The following CEP290 variants were observed in gnomAD, a reference collection of about 807,000 sequenced individuals.
The protein encoded by CEP290 is centrosomal protein 290.
A neutral mutation model predicts 344.9 loss-of-function variants in CEP290; 317 were observed. The ratio of observed to expected loss-of-function variants is 0.92; its 90% CI spans 0.84 to 1.01. The LOEUF is 1.01. Ranked by LOEUF, CEP290 falls within the 50% of genes least tolerant of loss-of-function variation. The pLI, the probability that CEP290 is intolerant of heterozygous loss-of-function variation, is 0.00. For missense variants in CEP290, 2,754 were observed against 2,761.4 expected (o/e 1.00, Z 0.06); for synonymous variants, 932 against 895.8 (o/e 1.04, Z -0.72).
chr12:88,122,434 G>T (rs542947779), intron 13 of CEP290, among the ~76,000 whole-genome samples: 1 of 152,214 alleles, frequency 6.6e-6, no homozygotes, highest in Non-Finnish European at 1.5e-5. Context: ...ACATAGATGA[G>T]AAATAAATGT....
chr12:88,080,578 C>T (rs2036129187), intron 37 of CEP290, among the ~76,000 whole-genome samples, 183 bp from the exon 38 acceptor site: 1 of 152,052 alleles, frequency 6.6e-6, no homozygotes, highest in Non-Finnish European at 1.5e-5. Context: ...TACGGGCGTG[C>T]ACCATCAGGC....
intron 26 of CEP290, among the ~76,000 whole-genome samples, chr12:88,098,393 T>G (rs753270196): frequency 7.2e-5 from 11 of 151,862 alleles, no homozygotes; most frequent in Non-Finnish European, 1.6e-4. Context: ...GAGAATCACT[T>G]GAGTCCAGGA....
At chr12:88,068,739 G>T in intron 43 of CEP290, 94 bp from the exon 44 acceptor site, 1 of 1,277,314 alleles carries the variant, frequency 7.8e-7, no homozygotes, top group Non-Finnish European at 1.1e-6. Context: ...GAAAAGTTCA[G>T]TGTGTTTATT....
chr12:88,114,330 A>G (rs1391945782), intron 20 of CEP290, 90 bp downstream of exon 20: 3 of 1,007,886 alleles, frequency 3.0e-6, no homozygotes, highest in Admixed American at 7.2e-5. Context: ...GACTAAAAAT[A>G]TCTCATCAGA....
chr12:88,129,911 A>C, intron 9 of CEP290, 35 bp from the exon 10 acceptor site: 1 of 1,287,304 alleles, frequency 7.8e-7, no homozygotes, highest in Non-Finnish European at 1.0e-6. Context: ...TTAAAAAGTA[A>C]TTTTAAAAAA....
intron 49 of CEP290, among the ~76,000 whole-genome samples, chr12:88,056,405 G>A (rs1435561887): frequency 6.6e-6 from 1 of 152,024 alleles, no homozygotes; most frequent in Non-Finnish European, 1.5e-5. Context: ...AAGTTAAAAT[G>A]GCCAGTATAG....
At chr12:88,098,397 T>C (rs922041443) in intron 26 of CEP290, among the ~76,000 whole-genome samples, 4 of 150,610 alleles carry the variant, frequency 2.7e-5, no homozygotes, top group African/African-American at 9.8e-5. Flanking sequence ...ATCACTTGAG[T>C]CCAGGAGTTT....
At position 88,083,136 on chromosome 12, in the gene CEP290, G is replaced by C. The variant is rs767686072; in HGVS notation, c.4907C>G (p.Ser1636Cys). 5.8e-6 allele frequency: 9 copies of C among 1,553,812 alleles called. No homozygotes were observed. ...TAGTTTGACCAAGAGTGAGGAAAGA[G>C]AGTCATCTTGTTCTGCTACTGTCTG... The part of the protein sequence containing the change: ...MEQTVAEQDD[S>C]LSSLLVKLKK... Residue 1636 changes from serine (S) to cysteine (C), a missense_variant, in exon 37 of 54, where the codon TCT (serine) becomes TGT (cysteine). Transcript: ENST00000552810.
Position 88,126,453 on chromosome 12 carries a change from A to G in CEP290, c.943-15T>C, listed in dbSNP as rs1163981359. ...GACAAAATTAGCTAGAAATAAACACAATAGAATCTGTTATGCAAAAGGAAA... is the reference window on the plus strand; with the variant it reads ...GACAAAATTAGCTAGAAATAAACACGATAGAATCTGTTATGCAAAAGGAAA... On this transcript the variant is annotated splice_polypyrimidine_tract_variant and intron_variant, in intron 11 of 53. Transcript: ENST00000552810. 1 of 1,462,970 alleles carries G rather than the reference A, an allele frequency of 6.8e-7. No homozygotes were observed. 90.6% of individuals were successfully genotyped at this position (1,462,970 alleles called of 1,614,324 possible).
chr12:88,115,298 C>T (rs947545812), intron 18 of CEP290, 116 bp from the exon 19 acceptor site: 10 of 701,508 alleles, frequency 1.4e-5, no homozygotes, highest in South Asian at 4.0e-5. Flanking sequence ...ACAAAAAAAA[C>T]GAGCTATGAA....
In CEP290 at chr12:88,077,891, G is replaced by C. The variant is rs1232064286; in HGVS notation, c.5392C>G (p.Leu1798Val). ...TTAAGTGCTTCTTTCAATTTTAAAA[G>C]ATTTTCATTTAAATCTTCAACTTGT... ...KTQVEDLNENLLKLKEALKTS... is the reference protein window; with the variant it reads ...KTQVEDLNENVLKLKEALKTS... Residue 1798 changes from leucine (L) to valine (V), a missense_variant, in exon 40 of 54, where the codon CTT becomes GTT. Leu to Val is a conservative substitution (Grantham distance 32). Transcript: ENST00000552810. 7.3e-7 allele frequency: 1 copy of C among 1,361,168 alleles called. No homozygotes were observed. Among genetic ancestry groups the C allele is most frequent in the Non-Finnish European group, 1.0e-6 (1 of 1,002,380 alleles). 84.3% of individuals were successfully genotyped at this position (1,361,168 alleles called of 1,614,324 possible).
At chr12:88,106,111 C>G (rs1274193094) in intron 25 of CEP290, among the ~76,000 whole-genome samples, 1 of 152,094 alleles carries the variant, frequency 6.6e-6, no homozygotes, top group African/African-American at 2.4e-5. Flanking sequence ...CAACCAGATA[C>G]TCTTGAAGTG....
chr12:88,141,143 ATTT>A, intron 2 of CEP290, 60 bp downstream of exon 2: 1 of 1,295,184 alleles, frequency 7.7e-7, no homozygotes, highest in South Asian at 1.7e-5. Flanking sequence ...ATAAATTCAT[ATTT>A]TATTAATAAA....
chr12:88,140,402 G>A (rs1416385293), intron 3 of CEP290, among the ~76,000 whole-genome samples: 4 of 152,080 alleles, frequency 2.6e-5, no homozygotes, highest in Admixed American at 1.3e-4. Flanking sequence ...CACCTTTAAG[G>A]CCCTCAACAA....
chr12:88,073,999 C>G (rs1393880199), intron 41 of CEP290, among the ~76,000 whole-genome samples: 1 of 151,986 alleles, frequency 6.6e-6, no homozygotes, highest in African/African-American at 2.4e-5. Flanking sequence ...CCAAGGCGGG[C>G]AGATCACCTG....
intron 13 of CEP290, among the ~76,000 whole-genome samples, chr12:88,124,534 AAT>A (rs1302069906): frequency 6.6e-6 from 1 of 151,738 alleles, no homozygotes; most frequent in South Asian, 2.1e-4. Flanking sequence ...CATATATACA[AAT>A]ATATATATAT....
At chr12:88,052,297 T>A (rs533898376) in intron 52 of CEP290, among the ~76,000 whole-genome samples, 103 of 152,326 alleles carry the variant, frequency 6.8e-4, no homozygotes, top group African/African-American at 2.3e-3. Context: ...ATTAATCATA[T>A]TTTATAGAAG....
intron 45 of CEP290, 123 bp downstream of exon 45, chr12:88,063,858 C>T: frequency 2.6e-6 from 2 of 757,538 alleles, no homozygotes; most frequent in South Asian, 4.4e-5. Context: ...ATAAAGTATA[C>T]CATCACCATG....
intron 26 of CEP290, 30 bp downstream of exon 26, chr12:88,102,808 T>G: frequency 6.3e-7 from 1 of 1,577,004 alleles, no homozygotes; most frequent in Non-Finnish European, 8.6e-7. Context: ...ATGGCTAATT[T>G]CACAAGGTTC....
Sources: allele counts gnomAD v4.1 joint callset (sites outside exome capture counted in the v4.1 genomes callset), GRCh38; gene constraint gnomAD v4.1.1; transcripts MANE v1.5; gene names NCBI Gene and HGNC (gene_info 2026-07-23, HGNC 2026-07-21).